TRIM24: variants seen among roughly 807,000 people sequenced by gnomAD.
The protein encoded by TRIM24 is tripartite motif containing 24.
A neutral mutation model predicts 123.9 loss-of-function variants in TRIM24; 29 were observed. The ratio of observed to expected loss-of-function variants is 0.23; its 90% CI spans 0.17 to 0.32. TRIM24 has a LOEUF of 0.32. Ranked by LOEUF, TRIM24 falls within the 10% of genes least tolerant of loss-of-function variation. The pLI is 1.00. For synonymous variants in TRIM24, 456 were observed against 461.1 expected (o/e 0.99, Z 0.14); for missense variants, 932 against 1,295.3 (o/e 0.72, Z 4.31).
Position 138,529,709 on chromosome 7 carries a change from C to T in TRIM24, c.996+479C>T, listed in dbSNP as rs568738350. Among the ~76,000 whole-genome samples, 59 of 152,222 alleles carry T rather than the reference C, an allele frequency of 3.9e-4. 1 individual carries two copies. The highest frequency in any genetic ancestry group is 7.5e-4 in the Non-Finnish European group (51 of 68,016). On this transcript the variant is annotated intron_variant, in intron 6 of 18. Coordinates refer to ENST00000343526, the MANE Select transcript of TRIM24 (RefSeq NM_015905.3). ...CGAGAGCAGCACTTAGGGAGATATG[C>T]CCAAGGCACTTAGTTGTTTCTCACT...
chr7:138,500,630 T>G (rs770708842), intron 1 of TRIM24, among the ~76,000 whole-genome samples: 78 of 151,096 alleles, frequency 5.2e-4, no homozygotes, highest in Non-Finnish European at 9.0e-4. Flanking sequence ...TCACAGCACT[T>G]TGGGAGGCCA....
At chr7:138,532,375 C>T (rs1345109622) in intron 6 of TRIM24, among the ~76,000 whole-genome samples, 1 of 152,088 alleles carries the variant, frequency 6.6e-6, no homozygotes, top group Non-Finnish European at 1.5e-5. Context: ...TTTAATCCAT[C>T]TTGAATTAAT....
rs929086483 is a variant in TRIM24, at chr7:138,587,811, C to G, written c.*2860C>G. 4.6e-5 allele frequency: 7 copies of G among 152,178 alleles called. No individual in the cohort carries two copies. The highest frequency in any genetic ancestry group is 1.0e-4 in the Non-Finnish European group (7 of 68,054). The allele number at this position is 152,178 out of a possible 1,614,324, so 9.4% of individuals were successfully genotyped here. On this transcript the variant is annotated 3_prime_UTR_variant, in exon 19 of 19. Transcript: ENST00000343526. ...CTGACTTTTCCTGTGTAAGGAAGCC[C>G]AAGTACTTGACCAGTGATATATATG...
At chr7:138,561,738 T>C (rs561856567) in intron 9 of TRIM24, among the ~76,000 whole-genome samples, 5 of 152,298 alleles carry the variant, frequency 3.3e-5, no homozygotes, top group East Asian at 3.9e-4. Flanking sequence ...CATGGACATA[T>C]AGAAAGAAAG....
intron 6 of TRIM24, among the ~76,000 whole-genome samples, chr7:138,531,006 T>A (rs1324226725): frequency 6.6e-6 from 1 of 152,038 alleles, no homozygotes; most frequent in Non-Finnish European, 1.5e-5. Context: ...CAGGCTCGAG[T>A]GTAGTGGTAT....
Position 138,585,006 on chromosome 7 carries a change from CATTTGTCAGTA to C in TRIM24, c.*60_*70del. On this transcript the variant is annotated 3_prime_UTR_variant, in exon 19 of 19. Transcript: ENST00000343526. Reference sequence around the variant, plus strand: ...TTAGATTTTTTTGTTTTCAAAAAAACATTTGTCAGTAATTTAACATCACTACAAAAAGAAGA... The same window carrying C: ...TTAGATTTTTTTGTTTTCAAAAAAACATTTAACATCACTACAAAAAGAAGA... 1 of 1,448,702 alleles carries C rather than the reference CATTTGTCAGTA, an allele frequency of 6.9e-7. No individual in the cohort carries two copies. The highest frequency in any genetic ancestry group is 9.4e-7 in the Non-Finnish European group (1 of 1,063,464). 89.7% of individuals were successfully genotyped at this position (1,448,702 alleles called of 1,614,324 possible). A position where few individuals can be genotyped will look rare whatever the true frequency, so the allele number is the denominator to read the frequency against.
In TRIM24 at chr7:138,581,685, A is replaced by G. The variant is rs369552561; in HGVS notation, c.2719-12A>G. On this transcript the variant is annotated splice_polypyrimidine_tract_variant and intron_variant, in intron 16 of 18. Transcript: ENST00000343526. Reference sequence around the variant, plus strand: ...TAATATTTTATCTCAGTTTTTATTTATTTTTGCTTAGAAGTGTGAGCGCCT... The same window carrying G: ...TAATATTTTATCTCAGTTTTTATTTGTTTTTGCTTAGAAGTGTGAGCGCCT... The G allele has an allele frequency of 1.6e-5, 26 of 1,598,784 alleles. No individual in the cohort carries two copies. The African/African-American group carries it at 2.8e-4, about 17-fold the overall frequency.
chr7:138,564,278 T>C (rs74447491), intron 9 of TRIM24, among the ~76,000 whole-genome samples: 2,783 of 152,214 alleles, frequency 0.018, 71 homozygotes, highest in African/African-American at 0.061. Flanking sequence ...ATGACCAGAT[T>C]GGAGGCAGCC....
chr7:138,475,281 A>G (rs1193807091), intron 1 of TRIM24, among the ~76,000 whole-genome samples: 1 of 152,210 alleles, frequency 6.6e-6, no homozygotes, highest in African/African-American at 2.4e-5. Context: ...TTATATAAAG[A>G]TAACCATTAG....
intron 1 of TRIM24, among the ~76,000 whole-genome samples, chr7:138,479,665 G>A (rs190263893): frequency 1.4e-5 from 2 of 144,024 alleles, no homozygotes; most frequent in East Asian, 1.9e-4. Context: ...GGCATGTGAC[G>A]CCTGGCTAAT....
intron 8 of TRIM24, among the ~76,000 whole-genome samples, chr7:138,552,902 T>C (rs1229112198): frequency 1.3e-5 from 2 of 152,178 alleles, no homozygotes; most frequent in East Asian, 3.8e-4. Flanking sequence ...CCACCACACA[T>C]TCATCTGAAC....
intron 13 of TRIM24, among the ~76,000 whole-genome samples, chr7:138,576,696 CAAAG>C (rs1797767720): frequency 6.6e-6 from 1 of 151,770 alleles, no homozygotes; most frequent in South Asian, 2.1e-4. Context: ...CATATAATAG[CAAAG>C]AAAACATAAA....
intron 8 of TRIM24, among the ~76,000 whole-genome samples, chr7:138,553,337 A>G (rs751929798): frequency 6.6e-6 from 1 of 152,222 alleles, no homozygotes; most frequent in Non-Finnish European, 1.5e-5. Context: ...GTGACTTTAG[A>G]TAAGTTTTAC....
intron 9 of TRIM24, among the ~76,000 whole-genome samples, chr7:138,560,391 G>A (rs926706975): frequency 1.3e-5 from 2 of 152,148 alleles, no homozygotes; most frequent in African/African-American, 4.8e-5. Flanking sequence ...CTCTGTTCTG[G>A]TGGAGAAAGT....
At chr7:138,536,028 T>G (rs11976694) in intron 6 of TRIM24, among the ~76,000 whole-genome samples, 3,611 of 152,338 alleles carry the variant, frequency 0.024, 142 homozygotes, top group African/African-American at 0.082. Context: ...AGCTTGTGCA[T>G]TCGTCACGTA....
chr7:138,486,622 G>C (rs1250291221), intron 1 of TRIM24, among the ~76,000 whole-genome samples: 1 of 152,094 alleles, frequency 6.6e-6, no homozygotes, highest in African/African-American at 2.4e-5. Flanking sequence ...GTTTTTGTCA[G>C]GTTTGTCGAA....
At position 138,570,847 on chromosome 7, in the gene TRIM24, A is replaced by G; in HGVS notation, c.1722A>G (p.Gly574=). The G allele has an allele frequency of 6.2e-7, 1 of 1,614,014 alleles. No individual in the cohort carries two copies. Among genetic ancestry groups the G allele is most frequent in the Non-Finnish European group, 8.5e-7 (1 of 1,179,960 alleles). ...TACTGTAGTGGCAGATCAGCAGTGG[A>G]CAGGGAACCCCATCAACTACCAACA... is the stretch of plus-strand genomic sequence containing the variant. ...QAIKQWQISS[G]QGTPSTTNST... The change falls in exon 11 of 19, where the codon GGA becomes GGG. Residue 574 remains glycine (G), a synonymous_variant. Coordinates refer to ENST00000343526, the MANE Select transcript of TRIM24 (RefSeq NM_015905.3).
intron 2 of TRIM24, among the ~76,000 whole-genome samples, chr7:138,506,459 G>A (rs1004690221): frequency 6.6e-6 from 1 of 152,084 alleles, no homozygotes; most frequent in African/African-American, 2.4e-5. Context: ...AGTAGTATCT[G>A]TGTATGCTCA....
At chr7:138,535,295 A>C (rs1796844354) in intron 6 of TRIM24, among the ~76,000 whole-genome samples, 1 of 152,240 alleles carries the variant, frequency 6.6e-6, no homozygotes, top group East Asian at 1.9e-4. Context: ...TAGTTGATGC[A>C]GTTTCTTCCT....
Sources: allele counts gnomAD v4.1 joint callset (sites outside exome capture counted in the v4.1 genomes callset), GRCh38; gene constraint gnomAD v4.1.1; transcripts MANE v1.5; gene names NCBI Gene and HGNC (gene_info 2026-07-23, HGNC 2026-07-21).